ST6GALNAC3: variants seen among roughly 807,000 people sequenced by gnomAD.
ST6GALNAC3 encodes the protein alpha-N-acetylgalactosaminide alpha-2,6-sialyltransferase 3.
A neutral mutation model predicts 32.7 loss-of-function variants in ST6GALNAC3; 25 were observed. The ratio of observed to expected loss-of-function variants is 0.76; its 90% CI spans 0.56 to 1.07. ST6GALNAC3 has a LOEUF of 1.07. Ranked by LOEUF, ST6GALNAC3 falls within the 50% of genes least tolerant of loss-of-function variation. The pLI, the probability that ST6GALNAC3 is intolerant of heterozygous loss-of-function variation, is 0.00. For synonymous variants in ST6GALNAC3, 129 were observed against 133.1 expected (o/e 0.97, Z 0.21); for missense variants, 355 against 382.4 (o/e 0.93, Z 0.60).
chr1:76,266,291 G>A (rs1355023617), intron 1 of ST6GALNAC3, among the ~76,000 whole-genome samples: 1 of 152,130 alleles, frequency 6.6e-6, no homozygotes, highest in African/African-American at 2.4e-5. Context: ...ATTACCCAGG[G>A]TATGCTGTCT....
At chr1:76,157,730 A>G (rs1012104207) in intron 1 of ST6GALNAC3, among the ~76,000 whole-genome samples, 37 of 152,200 alleles carry the variant, frequency 2.4e-4, no homozygotes, top group African/African-American at 8.2e-4. Context: ...GCATAATATT[A>G]TGTACCCACC....
chr1:76,483,855 G>A (rs1325058958), intron 3 of ST6GALNAC3, among the ~76,000 whole-genome samples: 1 of 152,136 alleles, frequency 6.6e-6, no homozygotes, highest in Admixed American at 6.6e-5. Context: ...ATGGTTTTAG[G>A]TCTAACATTT....
chr1:76,340,589 CT>C (rs1336322162), intron 2 of ST6GALNAC3, among the ~76,000 whole-genome samples: 1 of 152,160 alleles, frequency 6.6e-6, no homozygotes, highest in East Asian at 1.9e-4. Context: ...AGCAACTAAT[CT>C]GCCAGATGAT....
At chr1:76,484,428 G>T (rs889955357) in intron 3 of ST6GALNAC3, among the ~76,000 whole-genome samples, 2 of 152,098 alleles carry the variant, frequency 1.3e-5, no homozygotes, top group Non-Finnish European at 2.9e-5. Context: ...TCCTTGAAGA[G>T]GTCCTTCACA....
Position 76,145,569 on chromosome 1 carries a change from T to C in ST6GALNAC3, c.18+70685T>C, listed in dbSNP as rs148128777. Among the ~76,000 whole-genome samples, 227 of 152,298 alleles carry C rather than the reference T, an allele frequency of 1.5e-3. 1 individual carries two copies. Among genetic ancestry groups the C allele is most frequent in the African/African-American group, 4.8e-3 (201 of 41,564 alleles). On this transcript the variant is annotated intron_variant, in intron 1 of 4. Coordinates refer to ENST00000328299, the MANE Select transcript of ST6GALNAC3 (RefSeq NM_152996.4). ...TCTGGGCCAAAATACTATTCAGATGTGTTGTTCTTTTTCAATTACGGAAAT... is the reference window on the plus strand; with the variant it reads ...TCTGGGCCAAAATACTATTCAGATGCGTTGTTCTTTTTCAATTACGGAAAT...
intron 3 of ST6GALNAC3, among the ~76,000 whole-genome samples, chr1:76,534,643 G>A (rs534722771): frequency 6.6e-6 from 1 of 152,228 alleles, no homozygotes; most frequent in Admixed American, 6.5e-5. Flanking sequence ...TACTTCTGTA[G>A]ATGTTCTTTG....
intron 3 of ST6GALNAC3, among the ~76,000 whole-genome samples, chr1:76,502,686 A>G (rs578143544): frequency 6.6e-6 from 1 of 152,250 alleles, no homozygotes; most frequent in South Asian, 2.1e-4. Context: ...CCCTATCTCC[A>G]CTTTCTGAAG....
At chr1:76,457,405 A>C (rs1372421217) in intron 3 of ST6GALNAC3, among the ~76,000 whole-genome samples, 3 of 152,156 alleles carry the variant, frequency 2.0e-5, no homozygotes, top group South Asian at 2.1e-4. Flanking sequence ...AGTCAATCCT[A>C]AGCCAAAAGA....
intron 1 of ST6GALNAC3, among the ~76,000 whole-genome samples, chr1:76,161,655 C>T (rs1160879334): frequency 1.3e-5 from 2 of 152,172 alleles, no homozygotes; most frequent in East Asian, 3.8e-4. Context: ...GAAGATAATA[C>T]CCAATCTCTG....
chr1:76,404,987 T>A (rs943354200), intron 2 of ST6GALNAC3, among the ~76,000 whole-genome samples: 3 of 152,080 alleles, frequency 2.0e-5, no homozygotes, highest in Admixed American at 6.6e-5. Flanking sequence ...GATAAGCAAG[T>A]TTTATTTTAG....
At chr1:76,241,498 C>G (rs1212544308) in intron 1 of ST6GALNAC3, among the ~76,000 whole-genome samples, 5 of 152,120 alleles carry the variant, frequency 3.3e-5, no homozygotes, top group African/African-American at 9.7e-5. Flanking sequence ...TTTCCCTTCC[C>G]CAGGAATGGA....
chr1:76,482,226 C>A (rs1013227902), intron 3 of ST6GALNAC3, among the ~76,000 whole-genome samples: 1 of 151,956 alleles, frequency 6.6e-6, no homozygotes, highest in Non-Finnish European at 1.5e-5. Flanking sequence ...AGAGATCTTT[C>A]ATTTTCTGAA....
In ST6GALNAC3 at chr1:76,400,697, G is replaced by A. The variant is rs574005697; in HGVS notation, c.214-11311G>A. ...AGGTTAGGAGTTTGAGACCAGCCTG[G>A]CCAACATGGTGAAACCTCATCTCTA... On this transcript the variant is annotated intron_variant, in intron 2 of 4. Transcript: ENST00000328299. Among the ~76,000 whole-genome samples, 7 of 151,910 alleles carry A rather than the reference G, an allele frequency of 4.6e-5. No homozygotes were observed. The East Asian group carries it at 1.4e-3, about 30-fold the overall frequency.
chr1:76,131,356 G>T (rs1215640220), intron 1 of ST6GALNAC3, among the ~76,000 whole-genome samples: 1 of 152,200 alleles, frequency 6.6e-6, no homozygotes, highest in Non-Finnish European at 1.5e-5. Context: ...TGTAAATCAA[G>T]CCCTACCCAT....
At chr1:76,612,560 G>A (rs1029986389) in intron 3 of ST6GALNAC3, among the ~76,000 whole-genome samples, 1 of 152,122 alleles carries the variant, frequency 6.6e-6, no homozygotes, top group South Asian at 2.1e-4. Flanking sequence ...TTCTTTGGCT[G>A]TATTAATATG....
At chr1:76,298,449 C>A (rs572275701) in intron 1 of ST6GALNAC3, among the ~76,000 whole-genome samples, 1 of 152,038 alleles carries the variant, frequency 6.6e-6, no homozygotes, top group East Asian at 1.9e-4. Flanking sequence ...GCCAAAGCAC[C>A]CTCGGGCAAA....
chr1:76,407,233 G>T (rs1200501379), intron 2 of ST6GALNAC3, among the ~76,000 whole-genome samples: 1 of 152,068 alleles, frequency 6.6e-6, no homozygotes. Context: ...GCTGTGTGCT[G>T]AGATTAAGTT....
At chr1:76,163,145 G>C (rs1651915276) in intron 1 of ST6GALNAC3, among the ~76,000 whole-genome samples, 1 of 152,188 alleles carries the variant, frequency 6.6e-6, no homozygotes. Context: ...ACTCAGAACT[G>C]ATTCCAATCT....
chr1:76,288,106 T>TAAAA (rs1659884312), intron 1 of ST6GALNAC3, among the ~76,000 whole-genome samples: 4 of 152,234 alleles, frequency 2.6e-5, no homozygotes, highest in Non-Finnish European at 5.9e-5. Context: ...GGCCAGACTC[T>TAAAA]TCTGCTTACC....
Sources: allele counts gnomAD v4.1 joint callset (sites outside exome capture counted in the v4.1 genomes callset), GRCh38; gene constraint gnomAD v4.1.1; transcripts MANE v1.5; gene names NCBI Gene and HGNC (gene_info 2026-07-23, HGNC 2026-07-21).